PEAK1: variants seen among roughly 807,000 people sequenced by gnomAD.
PEAK1 encodes the protein inactive tyrosine-protein kinase PEAK1.
Under a neutral mutation model 124.7 loss-of-function variants are expected in PEAK1, and 54 were observed. That is an observed-to-expected ratio of 0.43 (90% CI 0.35 to 0.54). The LOEUF (loss-of-function observed/expected upper bound fraction) is 0.54, where lower values mean the gene tolerates loss of function less well. Among genes scored for constraint, PEAK1 ranks in the 20% least tolerant of loss-of-function variants. The pLI is 0.01. For missense variants in PEAK1, 2,046 were observed against 2,134.5 expected, an observed-to-expected ratio of 0.96 and a Z score of 0.82; for synonymous variants, 719 against 760.0, an observed-to-expected ratio of 0.95 and a Z score of 0.89.
Position 77,398,906 on chromosome 15 carries a change from G to A in PEAK1, c.-666+21100C>T, listed in dbSNP as rs533369650. On this transcript the variant is annotated intron_variant, in intron 1 of 9. Transcript: ENST00000682557. The stretch of plus-strand genomic sequence containing the variant: ...AAAACTATTATAACTAATAAATTCA[G>A]TAAAGTTGTAGGATACAAAACCAAC... Among the ~76,000 whole-genome samples, 157 of 151,938 alleles carry A rather than the reference G, an allele frequency of 1.0e-3. No homozygotes were observed. In the South Asian group the frequency reaches 0.015, roughly 15 times the overall value.
chr15:77,325,240 C>A (rs1488340476), intron 2 of PEAK1, among the ~76,000 whole-genome samples: 1 of 151,866 alleles, frequency 6.6e-6, no homozygotes, highest in African/African-American at 2.4e-5. Context: ...ACATAGGGAG[C>A]CCTGTCTCTA....
At chr15:77,328,419 T>C (rs895304181) in intron 2 of PEAK1, among the ~76,000 whole-genome samples, 1 of 152,180 alleles carries the variant, frequency 6.6e-6, no homozygotes, top group African/African-American at 2.4e-5. Context: ...ATTCTTTTCA[T>C]TCACCATTAA....
intron 2 of PEAK1, among the ~76,000 whole-genome samples, chr15:77,328,644 T>C (rs1057110557): frequency 2.0e-5 from 3 of 152,212 alleles, no homozygotes; most frequent in African/African-American, 4.8e-5. Flanking sequence ...CAGCTATTCA[T>C]GCAGCTATTA....
intron 2 of PEAK1, chr15:77,333,240 C>T: frequency 1.1e-6 from 1 of 914,476 alleles, no homozygotes. Context: ...CTTTCTCAGC[C>T]TCCTAAAGTG....
intron 5 of PEAK1, among the ~76,000 whole-genome samples, chr15:77,267,002 C>G (rs1246930099): frequency 6.6e-6 from 1 of 151,958 alleles, no homozygotes; most frequent in East Asian, 1.9e-4. Context: ...GGGGCAGGGG[C>G]ACAGTGGGAG....
intron 8 of PEAK1, among the ~76,000 whole-genome samples, chr15:77,150,888 A>C (rs1402199957): frequency 6.6e-6 from 1 of 152,162 alleles, no homozygotes; most frequent in African/African-American, 2.4e-5. Context: ...TATATGTGCC[A>C]CATTTTCTTA....
intron 1 of PEAK1, among the ~76,000 whole-genome samples, chr15:77,395,073 G>A (rs1291835841): frequency 6.6e-6 from 1 of 152,086 alleles, no homozygotes; most frequent in Non-Finnish European, 1.5e-5. Context: ...TAAAATAGAG[G>A]ATGAATTCAG....
rs183024813 is a variant in PEAK1 at position 77,259,269 on chromosome 15, G to T, written c.-274-6743C>A. Among the ~76,000 whole-genome samples the T allele has an allele frequency of 1.4e-4, 22 of 152,056 alleles. No individual in the cohort carries two copies. The East Asian group carries it at 4.2e-3, about 29-fold the overall frequency. On this transcript the variant is annotated intron_variant, in intron 5 of 9. Transcript: ENST00000682557. Reference sequence around the variant, plus strand: ...GGTTTATTTTAGTCCTTACACTCTGGTAATGCCATTCCTTCATATTTCTAA... The same window carrying T: ...GGTTTATTTTAGTCCTTACACTCTGTTAATGCCATTCCTTCATATTTCTAA...
At position 77,180,035 on chromosome 15, in the gene PEAK1, T is replaced by C. The variant is rs765051813; in HGVS notation, c.1892A>G (p.Asn631Ser). 16 of 1,613,932 alleles carry C rather than the reference T, an allele frequency of 9.9e-6. No individual in the cohort carries two copies. Among genetic ancestry groups the C allele is most frequent in the East Asian group, 2.2e-5 (1 of 44,900 alleles). ...AGCTAGATTGTCATATGCATTTGGA[T>C]TGATAACAATGGGAACTTTGATAGC... ...KNAIKVPIVI[N>S]PNAYDNLAIY... Residue 631 changes from asparagine to serine, a missense_variant, in exon 7 of 10, where the codon AAT (asparagine) becomes AGT (serine). Coordinates refer to ENST00000682557, the MANE Select transcript of PEAK1 (RefSeq NM_001385026.1).
chr15:77,403,280 A>G, intron 1 of PEAK1: 1 of 982,252 alleles, frequency 1.0e-6, no homozygotes, highest in Non-Finnish European at 1.2e-6. Context: ...CAAATTGTTT[A>G]CTCTGAAGAA....
Position 77,323,861 on chromosome 15 carries a change from T to G in PEAK1, c.-602-37357A>C, listed in dbSNP as rs2065399226. On this transcript the variant is annotated intron_variant, in intron 2 of 9. Transcript: ENST00000682557. ...AGCCAAAAGAACAAAGCTGGAGGCATCACGCTACCTGACTTCAAACTATAC... is the reference window on the plus strand; with the variant it reads ...AGCCAAAAGAACAAAGCTGGAGGCAGCACGCTACCTGACTTCAAACTATAC... Among the ~76,000 whole-genome samples the G allele has an allele frequency of 2.0e-5, 3 of 152,318 alleles. 1 individual carries two copies. In the South Asian group the frequency reaches 6.2e-4, roughly 32 times the overall value.
chr15:77,177,834 A>C (rs2056979472), intron 7 of PEAK1: 1 of 152,194 alleles, frequency 6.6e-6, no homozygotes, highest in Admixed American at 6.5e-5. Flanking sequence ...CTTCCTAAAC[A>C]TATGTATTTA....
At chr15:77,354,527 C>T (rs1220132072) in intron 2 of PEAK1, among the ~76,000 whole-genome samples, 2 of 152,220 alleles carry the variant, frequency 1.3e-5, no homozygotes, top group East Asian at 3.9e-4. Context: ...CCTTCAAGAG[C>T]TCCCAATCAA....
intron 6 of PEAK1, chr15:77,204,618 A>C (rs1242945184): frequency 6.5e-6 from 1 of 152,704 alleles, no homozygotes; most frequent in Non-Finnish European, 1.5e-5. Context: ...TGGTCAGCTA[A>C]ATCTGCTCCT....
intron 1 of PEAK1, among the ~76,000 whole-genome samples, chr15:77,377,087 C>G (rs1348924094): frequency 2.7e-5 from 4 of 147,612 alleles, no homozygotes; most frequent in Non-Finnish European, 4.6e-5. Flanking sequence ...ATTGGTGTAT[C>G]TAAACACAGA....
At chr15:77,122,716 G>A (rs2052024621) in intron 9 of PEAK1, among the ~76,000 whole-genome samples, 1 of 152,120 alleles carries the variant, frequency 6.6e-6, no homozygotes, top group African/African-American at 2.4e-5. Flanking sequence ...ACAAAACTAG[G>A]ATGGCCATGA....
At chr15:77,138,839 G>C (rs2053544749) in intron 8 of PEAK1, among the ~76,000 whole-genome samples, 1 of 146,770 alleles carries the variant, frequency 6.8e-6, no homozygotes, top group African/African-American at 2.5e-5. Context: ...TCCAGCCTGG[G>C]TGACAGAGCG....
At chr15:77,210,187 T>A (rs906611843) in intron 6 of PEAK1, among the ~76,000 whole-genome samples, 21 of 152,362 alleles carry the variant, frequency 1.4e-4, no homozygotes, top group African/African-American at 4.8e-4. Flanking sequence ...TAAGGCAATA[T>A]AATGCAATTA....
intron 6 of PEAK1, among the ~76,000 whole-genome samples, chr15:77,207,634 G>C (rs1267970665): frequency 6.6e-6 from 1 of 151,928 alleles, no homozygotes. Flanking sequence ...AAAACCAAAT[G>C]TTGAGATAGT....
Sources: gnomAD v4.1 joint callset for allele counts (sites outside exome capture counted in the v4.1 genomes callset) on GRCh38, gnomAD v4.1.1 for gene constraint, MANE v1.5 for transcripts, NCBI Gene and HGNC (gene_info 2026-07-23, HGNC 2026-07-21) for gene names.